Variants in CHCHD3 observed in about 807,000 individuals in gnomAD.
CHCHD3 encodes MICOS complex subunit MIC19.
In CHCHD3, 20 loss-of-function variants were observed where a neutral mutation model predicts 38.2. That is an observed-to-expected ratio of 0.52 (90% CI 0.37 to 0.76). The LOEUF (loss-of-function observed/expected upper bound fraction) is 0.76. CHCHD3 is among the 30% of genes least tolerant of loss of function. The pLI is 0.00. For missense variants in CHCHD3, 245 were observed against 279.2 expected, an observed-to-expected ratio of 0.88 and a Z score of 0.87; for synonymous variants, 82 against 100.0, an observed-to-expected ratio of 0.82 and a Z score of 1.07.
At chr7:132,802,893 A>G (rs945722967) in intron 6 of CHCHD3, among the ~76,000 whole-genome samples, 1 of 152,016 alleles carries the variant, frequency 6.6e-6, no homozygotes, top group Non-Finnish European at 1.5e-5. Flanking sequence ...GCAAAATTCT[A>G]CAGCTAACAA....
intron 5 of CHCHD3, among the ~76,000 whole-genome samples, chr7:132,841,738 C>T (rs1447663951): frequency 6.6e-6 from 1 of 152,164 alleles, no homozygotes; most frequent in African/African-American, 2.4e-5. Flanking sequence ...GGAACACGGG[C>T]TTTGCTGGGT....
intron 4 of CHCHD3, among the ~76,000 whole-genome samples, chr7:132,916,601 GA>G (rs1810112561): frequency 6.6e-6 from 1 of 151,988 alleles, no homozygotes; most frequent in African/African-American, 2.4e-5. Context: ...TTTTTAAAAA[GA>G]AAAGGCCTCA....
At chr7:132,845,920 A>C (rs1456134327) in intron 5 of CHCHD3, among the ~76,000 whole-genome samples, 2 of 152,202 alleles carry the variant, frequency 1.3e-5, no homozygotes, top group Non-Finnish European at 2.9e-5. Context: ...CAACTGATGA[A>C]GATTGATGGT....
chr7:132,811,675 G>A (rs1807073471), intron 6 of CHCHD3, among the ~76,000 whole-genome samples: 2 of 152,166 alleles, frequency 1.3e-5, no homozygotes, highest in Non-Finnish European at 2.9e-5. Flanking sequence ...TATAGGACCC[G>A]ATCAGCACAG....
chr7:132,907,181 G>A (rs1004618733), intron 4 of CHCHD3, among the ~76,000 whole-genome samples: 2 of 152,104 alleles, frequency 1.3e-5, no homozygotes, highest in Non-Finnish European at 1.5e-5. Context: ...AACAAGACAG[G>A]ACAGACTACA....
chr7:132,808,810 G>A (rs1380768775), intron 6 of CHCHD3, among the ~76,000 whole-genome samples: 1 of 150,822 alleles, frequency 6.6e-6, no homozygotes. Context: ...ATGTATACAT[G>A]TGCCATGCTG....
At chr7:132,992,822 C>T (rs982551469) in intron 3 of CHCHD3, among the ~76,000 whole-genome samples, 4 of 152,136 alleles carry the variant, frequency 2.6e-5, no homozygotes, top group Non-Finnish European at 2.9e-5. Flanking sequence ...TTAAGTGCCT[C>T]ATTAACAATT....
intron 7 of CHCHD3, among the ~76,000 whole-genome samples, chr7:132,789,994 T>C (rs1754773410): frequency 1.3e-5 from 2 of 152,192 alleles, no homozygotes; most frequent in African/African-American, 4.8e-5. Context: ...GGAAAAGTCA[T>C]CTATAAATTG....
At chr7:133,027,363 AAGAGAGAG>A (rs371411456) in intron 2 of CHCHD3, among the ~76,000 whole-genome samples, 1 of 133,792 alleles carries the variant, frequency 7.5e-6, no homozygotes, top group African/African-American at 2.7e-5. Flanking sequence ...AATAAGTTGT[AAGAGAGAG>A]AGAGAGAGAG....
At chr7:132,909,245 G>A (rs925467968) in intron 4 of CHCHD3, among the ~76,000 whole-genome samples, 1 of 152,030 alleles carries the variant, frequency 6.6e-6, no homozygotes. Context: ...CGCTGTCCCC[G>A]CACTTTGGGA....
intron 6 of CHCHD3, among the ~76,000 whole-genome samples, chr7:132,804,396 CA>C (rs1806862258): frequency 6.6e-6 from 1 of 152,112 alleles, no homozygotes; most frequent in Non-Finnish European, 1.5e-5. Context: ...TAATTTTTCA[CA>C]AAGAATTGCC....
rs541551643 is a variant in CHCHD3 at position 133,074,128 on chromosome 7, A to T, written c.82-3899T>A. 3.9e-5 allele frequency among the ~76,000 whole-genome samples: 6 copies of T among 152,254 alleles called. No individual in the cohort carries two copies. In the East Asian group the frequency reaches 1.2e-3, roughly 29 times the overall value. The stretch of plus-strand genomic sequence containing the variant: ...AAAGAACAGGAATTAGCCTTTCCAC[A>T]TTCACCTTTCTGCCTTTCCACTAGA... On this transcript the variant is annotated intron_variant, in intron 1 of 7. Transcript: ENST00000262570.
chr7:132,987,416 A>AAAGAGAT (rs1348862901), intron 3 of CHCHD3, among the ~76,000 whole-genome samples: 12 of 152,208 alleles, frequency 7.9e-5, no homozygotes, highest in African/African-American at 2.9e-4. Flanking sequence ...GGAAATCATG[A>AAAGAGAT]AAGAGATTGT....
intron 4 of CHCHD3, among the ~76,000 whole-genome samples, chr7:132,968,679 C>G (rs1811537627): frequency 6.6e-6 from 1 of 152,122 alleles, no homozygotes; most frequent in South Asian, 2.1e-4. Context: ...ATAAAAGAAC[C>G]CGGGAAACCA....
At chr7:132,923,272 T>C (rs1476879087) in intron 4 of CHCHD3, among the ~76,000 whole-genome samples, 1 of 152,160 alleles carries the variant, frequency 6.6e-6, no homozygotes, top group Non-Finnish European at 1.5e-5. Context: ...GAAAGTTGGG[T>C]TGATATTTCA....
chr7:132,908,430 G>T (rs939137326), intron 4 of CHCHD3, among the ~76,000 whole-genome samples: 1 of 152,104 alleles, frequency 6.6e-6, no homozygotes, highest in Non-Finnish European at 1.5e-5. Context: ...TTTAATATTT[G>T]TTCAGATATT....
chr7:133,063,070 C>G (rs1194897759), intron 2 of CHCHD3, among the ~76,000 whole-genome samples: 1 of 152,182 alleles, frequency 6.6e-6, no homozygotes, highest in African/African-American at 2.4e-5. Context: ...CCCTTTTGAC[C>G]ATTCTAAAAT....
chr7:132,973,965 C>T, intron 4 of CHCHD3: 5 of 1,286,662 alleles, frequency 3.9e-6, no homozygotes, highest in Non-Finnish European at 5.1e-6. Flanking sequence ...TCTAGGAAGG[C>T]CGAAGTGGAG....
chr7:132,832,879 G>A (rs979352906), intron 6 of CHCHD3, among the ~76,000 whole-genome samples: 2 of 152,192 alleles, frequency 1.3e-5, no homozygotes, highest in Non-Finnish European at 2.9e-5. Flanking sequence ...TCTATCATGA[G>A]TGCTTTATGT....
Sources: gnomAD v4.1 joint callset for allele counts (sites outside exome capture counted in the v4.1 genomes callset) on GRCh38, gnomAD v4.1.1 for gene constraint, MANE v1.5 for transcripts, NCBI Gene and HGNC (gene_info 2026-07-23, HGNC 2026-07-21) for gene names.